The following ZNF236 variants were observed in gnomAD, a reference collection of about 807,000 sequenced individuals.
ZNF236 encodes regulated by glucose.
A neutral mutation model predicts 191.2 loss-of-function variants in ZNF236; 50 were observed. The observed-to-expected ratio is 0.26, with a 90% CI of 0.21 to 0.33. ZNF236 has a LOEUF of 0.33. Among genes scored for constraint, ZNF236 ranks in the 10% least tolerant of loss-of-function variants. ZNF236 has a pLI of 1.00. For synonymous variants in ZNF236, 907 were observed against 928.8 expected (o/e 0.98, Z 0.43); for missense variants, 1,754 against 2,374.5 (o/e 0.74, Z 5.43).
In ZNF236 at chr18:76,912,280, C is replaced by A; in HGVS notation, c.2842C>A (p.Leu948Met). ...RLIQESSQEE[L>M]DLQAQGSQFL... ...GATTCAGGAGTCATCCCAAGAGGAA[C>A]TGGACCTGCAGGCACAAGGTTCCCA... is the stretch of plus-strand genomic sequence containing the variant. Residue 948 changes from leucine to methionine, a missense_variant, in exon 17 of 31, where the codon CTG (leucine) becomes ATG (methionine). Around this residue, in one of 5 missense-constraint regions of ZNF236, gnomAD observed 641 missense variants for 869.6 expected, o/e 0.74. Transcript: ENST00000320610. 1 of 1,614,198 alleles carries A rather than the reference C, an allele frequency of 6.2e-7. No homozygotes were observed. Among genetic ancestry groups the A allele is most frequent in the Non-Finnish European group, 8.5e-7 (1 of 1,180,028 alleles).
chr18:76,908,098 T>C (rs1967108436), intron 13 of ZNF236, among the ~76,000 whole-genome samples: 1 of 152,258 alleles, frequency 6.6e-6, no homozygotes, highest in Non-Finnish European at 1.5e-5. Flanking sequence ...CGTTCGTGCC[T>C]TGTGTCTTGT....
intron 1 of ZNF236, among the ~76,000 whole-genome samples, chr18:76,830,651 C>CA (rs1337829015): frequency 6.6e-6 from 1 of 151,892 alleles, no homozygotes; most frequent in Non-Finnish European, 1.5e-5. Flanking sequence ...AAAAAAATCT[C>CA]AAAAAAAGTC....
At chr18:76,873,491 C>T (rs1976632814) in intron 5 of ZNF236, among the ~76,000 whole-genome samples, 2 of 152,148 alleles carry the variant, frequency 1.3e-5, no homozygotes, top group South Asian at 2.1e-4. Flanking sequence ...TCACGTAGGC[C>T]GGTGTGGTTT....
At chr18:76,830,389 A>G (rs1189423338) in intron 1 of ZNF236, among the ~76,000 whole-genome samples, 1 of 152,130 alleles carries the variant, frequency 6.6e-6, no homozygotes, top group Non-Finnish European at 1.5e-5. Flanking sequence ...GCTCTTTTGA[A>G]TAAGTGTTGC....
At chr18:76,899,726 G>T (rs745659757) in intron 11 of ZNF236, among the ~76,000 whole-genome samples, 17 of 152,196 alleles carry the variant, frequency 1.1e-4, no homozygotes, top group Non-Finnish European at 1.9e-4. Context: ...TGATGATCTA[G>T]AAAGAAAACA....
At chr18:76,865,827 G>A (rs1291935460) in intron 3 of ZNF236, among the ~76,000 whole-genome samples, 2 of 152,148 alleles carry the variant, frequency 1.3e-5, no homozygotes, top group Non-Finnish European at 2.9e-5. Context: ...CATTAAAATT[G>A]GTTTAGAAAA....
chr18:76,906,325 T>A (rs1599382078), intron 13 of ZNF236, among the ~76,000 whole-genome samples: 1 of 152,142 alleles, frequency 6.6e-6, no homozygotes, highest in Non-Finnish European at 1.5e-5. Context: ...ATTGGCGGTG[T>A]TATATGTGGA....
chr18:76,835,039 ACTTT>A (rs1975282958), intron 1 of ZNF236, among the ~76,000 whole-genome samples: 1 of 122,608 alleles, frequency 8.2e-6, no homozygotes, highest in South Asian at 2.5e-4. Context: ...AGCCTTTCTT[ACTTT>A]CTAATATCTA....
intron 3 of ZNF236, among the ~76,000 whole-genome samples, chr18:76,860,207 A>G (rs1489268056): frequency 6.6e-6 from 1 of 152,124 alleles, no homozygotes; most frequent in African/African-American, 2.4e-5. Flanking sequence ...TGTTAGGATG[A>G]CACAGGTAAA....
In ZNF236 at chr18:76,908,435, G is replaced by A. The variant is rs1238793913; in HGVS notation, c.2413G>A (p.Asp805Asn). Residue 805 changes from aspartate to asparagine, a missense_variant, in exon 14 of 31, where the codon GAC (aspartate) becomes AAC (asparagine). Asp to Asn is a conservative substitution (Grantham distance 23, BLOSUM62 1). Coordinates refer to ENST00000320610, the MANE Select transcript of ZNF236 (RefSeq NM_001306089.2). ...TCAAATGCAGGTGGAGATCGAGAGC[G>A]ACGAGCTGCCGCAGACGGCAGAGGT... The part of the protein sequence containing the change: ...STQMQVEIES[D>N]ELPQTAEVVA... 9.9e-6 allele frequency: 16 copies of A among 1,614,078 alleles called. No individual in the cohort carries two copies. The East Asian group carries it at 2.0e-4, about 20-fold the overall frequency.
intron 7 of ZNF236, among the ~76,000 whole-genome samples, chr18:76,879,345 C>T (rs1976807440): frequency 2.0e-5 from 3 of 152,210 alleles, no homozygotes; most frequent in Non-Finnish European, 4.4e-5. Flanking sequence ...CTACCATATA[C>T]TCCTCTTCTC....
At chr18:76,890,881 G>T (rs967342356) in intron 9 of ZNF236, among the ~76,000 whole-genome samples, 2 of 152,110 alleles carry the variant, frequency 1.3e-5, no homozygotes, top group Non-Finnish European at 2.9e-5. Context: ...GCCACCCCAA[G>T]AGAGCAAGAC....
At chr18:76,882,705 G>A (rs1194473347) in intron 9 of ZNF236, among the ~76,000 whole-genome samples, 1 of 152,120 alleles carries the variant, frequency 6.6e-6, no homozygotes, top group Non-Finnish European at 1.5e-5. Flanking sequence ...ACACTAGTCA[G>A]GCTCTTCTTC....
At chr18:76,865,818 A>G (rs2122581729) in intron 3 of ZNF236, among the ~76,000 whole-genome samples, 1 of 152,382 alleles carries the variant, frequency 6.6e-6, no homozygotes, top group Admixed American at 6.5e-5. Flanking sequence ...AGTATGCCTC[A>G]TTAAAATTGG....
chr18:76,912,121 G>T (rs761575791), intron 16 of ZNF236, 123 bp from the exon 17 acceptor site: 29 of 663,906 alleles, frequency 4.4e-5, no homozygotes, highest in Non-Finnish European at 7.5e-5. Flanking sequence ...AACTATTTGG[G>T]GTTTCTCTCT....
chr18:76,908,467 A>G lies in ZNF236; in HGVS notation c.2445A>G (p.Ala815=). The G allele has an allele frequency of 6.2e-7, 1 of 1,614,210 alleles. No homozygotes were observed. ...TGCCGCAGACGGCAGAGGTGGTCGC[A>G]GCGAACCCCGAGGCCATGCTGGACC... is the stretch of plus-strand genomic sequence containing the variant. ...DELPQTAEVV[A]ANPEAMLDLE... The change falls in exon 14 of 31, where the codon GCA becomes GCG. Residue 815 remains alanine (A), a synonymous_variant. Coordinates refer to ENST00000320610, the MANE Select transcript of ZNF236 (RefSeq NM_001306089.2).
At chr18:76,859,941 ATC>A (rs1301245113) in intron 3 of ZNF236, among the ~76,000 whole-genome samples, 2 of 152,160 alleles carry the variant, frequency 1.3e-5, no homozygotes, top group African/African-American at 4.8e-5. Context: ...AGTGGGGCAC[ATC>A]TGTGGGTAGC....
intron 6 of ZNF236, among the ~76,000 whole-genome samples, chr18:76,877,753 G>A (rs1352056209): frequency 1.3e-5 from 2 of 152,056 alleles, no homozygotes; most frequent in Admixed American, 6.6e-5. Context: ...TGAAAAATGT[G>A]TTTTCTCACT....
intron 16 of ZNF236, among the ~76,000 whole-genome samples, chr18:76,911,574 C>T (rs1306790650): frequency 2.0e-5 from 3 of 152,176 alleles, no homozygotes; most frequent in African/African-American, 4.8e-5. Context: ...TAAACAAATG[C>T]GACACAGGCC....
Sources: allele counts gnomAD v4.1 joint callset (sites outside exome capture counted in the v4.1 genomes callset), GRCh38; gene constraint gnomAD v4.1.1; regional missense constraint gnomAD v4.1.1; transcripts MANE v1.5; gene names NCBI Gene and HGNC (gene_info 2026-07-23, HGNC 2026-07-21).